GCSAML: variants seen among roughly 807,000 people sequenced by gnomAD.
GCSAML encodes germinal center-associated signaling and motility-like protein.
In GCSAML, 9 loss-of-function variants were observed where a neutral mutation model predicts 13.0. The ratio of observed to expected loss-of-function variants is 0.69; its 90% confidence interval spans 0.42 to 1.21. The LOEUF is 1.21. Among genes scored for constraint, GCSAML ranks in the 50% most tolerant of loss-of-function variants. GCSAML has a pLI of 0.00. For missense variants in GCSAML, 143 were observed against 153.4 expected (o/e 0.93, Z 0.36); for synonymous variants, 37 against 52.9 (o/e 0.70, Z 1.31).
chr1:247,566,209 GTTTT>G (rs1232932143), intron 4 of GCSAML, among the ~76,000 whole-genome samples: 7 of 151,972 alleles, frequency 4.6e-5, no homozygotes, highest in Non-Finnish European at 7.4e-5. Context: ...AGTTCTTACC[GTTTT>G]GGCCTCAATT....
In GCSAML at chr1:247,576,370, C is replaced by T. The variant is rs1558266425; in HGVS notation, c.*1988C>T. ...GGCCAGACTGCACAACACAGTGAGA[C>T]CTCGTTTCTACAAATAATTAAAAAA... On this transcript the variant is annotated 3_prime_UTR_variant, in exon 5 of 5. Coordinates refer to ENST00000366488, the MANE Select transcript of GCSAML (RefSeq NM_145278.5). 2 of 152,038 alleles carry T rather than the reference C, an allele frequency of 1.3e-5. No individual in the cohort carries two copies. Among genetic ancestry groups the T allele is most frequent in the Non-Finnish European group, 2.9e-5 (2 of 68,028 alleles). The allele number at this position is 152,038 out of a possible 1,614,324, so 9.4% of individuals were successfully genotyped here. A position where few individuals can be genotyped will look rare whatever the true frequency, so the allele number is the denominator to read the frequency against.
chr1:247,570,057 C>T (rs1302281661), intron 4 of GCSAML, among the ~76,000 whole-genome samples: 2 of 152,066 alleles, frequency 1.3e-5, no homozygotes, highest in Admixed American at 6.6e-5. Context: ...GTAGTCTCCC[C>T]TCTATTATTT....
upstream of GCSAML, among the ~76,000 whole-genome samples, chr1:247,545,081 C>T (rs111362577): frequency 1.4e-4 from 21 of 152,272 alleles, no homozygotes; most frequent in African/African-American, 4.8e-4. Flanking sequence ...TTGGTTAATT[C>T]TCATCTTATT....
intron 2 of GCSAML, among the ~76,000 whole-genome samples, chr1:247,541,971 C>A (rs1298954185): frequency 5.4e-5 from 8 of 149,524 alleles, no homozygotes; most frequent in Non-Finnish European, 1.2e-4. Flanking sequence ...GATTGTTCCA[C>A]TGCAGTCCAG....
intron 1 of GCSAML, among the ~76,000 whole-genome samples, chr1:247,524,055 C>T (rs899554456): frequency 1.3e-5 from 2 of 149,736 alleles, no homozygotes; most frequent in Non-Finnish European, 1.5e-5. Context: ...AATTGAAAAC[C>T]TAAACATAAA....
At chr1:247,558,502 A>G (rs975231933) in intron 2 of GCSAML, among the ~76,000 whole-genome samples, 5 of 152,136 alleles carry the variant, frequency 3.3e-5, no homozygotes, top group Non-Finnish European at 7.4e-5. Flanking sequence ...CACAATCAAG[A>G]TACAGAATAT....
chr1:247,520,975 T>C (rs1184048011), intron 1 of GCSAML, among the ~76,000 whole-genome samples: 1 of 152,252 alleles, frequency 6.6e-6, no homozygotes, highest in Non-Finnish European at 1.5e-5. Flanking sequence ...CTTAGCCTGG[T>C]GTGTACTAGA....
At chr1:247,509,859 A>C (rs755539899) in intron 1 of GCSAML, among the ~76,000 whole-genome samples, 2 of 152,128 alleles carry the variant, frequency 1.3e-5, no homozygotes, top group Non-Finnish European at 2.9e-5. Flanking sequence ...AGCTGACTTG[A>C]TATTAGTGGA....
At chr1:247,546,416 T>G (rs568245810), upstream of GCSAML, among the ~76,000 whole-genome samples, 21 of 152,248 alleles carry the variant, frequency 1.4e-4, no homozygotes, top group East Asian at 1.9e-3. Context: ...TGGAGTGCAG[T>G]GGCGCGATCT....
At chr1:247,563,432 A>C (rs1212627493) in intron 2 of GCSAML, among the ~76,000 whole-genome samples, 158 bp from the exon 3 acceptor site, 1 of 152,114 alleles carries the variant, frequency 6.6e-6, no homozygotes, top group Non-Finnish European at 1.5e-5. Flanking sequence ...TGGTTTTTCA[A>C]AAAAGGCTGG....
At chr1:247,546,432 C>T (rs1667575123), upstream of GCSAML, among the ~76,000 whole-genome samples, 1 of 152,084 alleles carries the variant, frequency 6.6e-6, no homozygotes, top group Admixed American at 6.5e-5. Flanking sequence ...GATCTCGGCT[C>T]ACTGCAAACT....
At chr1:247,531,678 GA>G (rs1553303199) in intron 2 of GCSAML, 1 of 1,614,076 alleles carries the variant, frequency 6.2e-7, no homozygotes, top group Non-Finnish European at 8.5e-7. Flanking sequence ...CTACGGTGTA[GA>G]ACAGAGCTAT....
intron 1 of GCSAML, among the ~76,000 whole-genome samples, chr1:247,552,946 G>A (rs1338154959): frequency 6.6e-6 from 1 of 152,054 alleles, no homozygotes; most frequent in African/African-American, 2.4e-5. Context: ...AGTGGAGACG[G>A]GGTTTCACCA....
At chr1:247,521,848 G>A (rs1273384949) in intron 1 of GCSAML, among the ~76,000 whole-genome samples, 1 of 151,862 alleles carries the variant, frequency 6.6e-6, no homozygotes, top group African/African-American at 2.4e-5. Flanking sequence ...CCCATCGTCT[G>A]GGATGTGAGG....
At chr1:247,571,636 T>C (rs1668616751) in intron 4 of GCSAML, among the ~76,000 whole-genome samples, 1 of 152,222 alleles carries the variant, frequency 6.6e-6, no homozygotes, top group South Asian at 2.1e-4. Context: ...CTTAACATTT[T>C]TTCCTTCATT....
At chr1:247,538,540 G>A (rs1667300958) in intron 2 of GCSAML, 1 of 329,398 alleles carries the variant, frequency 3.0e-6, no homozygotes, top group African/African-American at 2.2e-5. Flanking sequence ...CCCTTAAGGG[G>A]ATAATTATGA....
At chr1:247,551,199 T>C (rs1489833068) in intron 1 of GCSAML, among the ~76,000 whole-genome samples, 1 of 152,054 alleles carries the variant, frequency 6.6e-6, no homozygotes, top group Admixed American at 6.6e-5. Flanking sequence ...GGAATTCTGG[T>C]TTGGGATAGC....
intron 1 of GCSAML, among the ~76,000 whole-genome samples, chr1:247,520,747 A>C (rs1430608635): frequency 6.6e-6 from 1 of 152,162 alleles, no homozygotes; most frequent in Non-Finnish European, 1.5e-5. Context: ...TTCAAGCAGG[A>C]CAGTCTTTCC....
In GCSAML at chr1:247,574,226, C is replaced by T. The variant is rs1209486541; in HGVS notation, c.252C>T (p.Ser84=). Residue 84 remains serine (S), a synonymous_variant, in exon 5 of 5, where the codon TCC becomes TCT. Coordinates refer to ENST00000366488, the MANE Select transcript of GCSAML (RefSeq NM_145278.5). ...HIPHQRSSLS[S]NDDGYENIDS... ...CCCATCAGAGATCCTCCCTGAGCTC[C>T]AATGATGATGGCTATGAGAACATTG... 1.3e-5 allele frequency: 21 copies of T among 1,614,044 alleles called. No individual in the cohort carries two copies. Among genetic ancestry groups the T allele is most frequent in the Non-Finnish European group, 1.8e-5 (21 of 1,179,970 alleles).
Sources: gnomAD v4.1 joint callset for allele counts (sites outside exome capture counted in the v4.1 genomes callset) on GRCh38, gnomAD v4.1.1 for gene constraint, MANE v1.5 for transcripts, NCBI Gene and HGNC (gene_info 2026-07-23, HGNC 2026-07-21) for gene names.